PCDHA9: variants seen among roughly 807,000 people sequenced by gnomAD.
PCDHA9 encodes the protein protocadherin alpha 9.
A neutral mutation model predicts 62.0 loss-of-function variants in PCDHA9; 62 were observed. That is an observed-to-expected ratio of 1.00 (90% CI 0.81 to 1.23). PCDHA9 has a LOEUF of 1.23. PCDHA9 is among the 50% of genes most tolerant of loss of function. The pLI, the probability that PCDHA9 is intolerant of heterozygous loss-of-function variation, is 0.00. For synonymous variants in PCDHA9, 557 were observed against 567.6 expected (o/e 0.98, Z 0.27); for missense variants, 1,205 against 1,249.8 (o/e 0.96, Z 0.54).
intron 1 of PCDHA9, chr5:140,966,362 A>C: frequency 2.5e-6 from 1 of 400,494 alleles, no homozygotes; most frequent in Non-Finnish European, 4.4e-6. Flanking sequence ...GGGGCTGGAG[A>C]GGCTGAGCAG....
At chr5:140,947,769 A>T (rs2094173274) in intron 1 of PCDHA9, among the ~76,000 whole-genome samples, 1 of 151,626 alleles carries the variant, frequency 6.6e-6, no homozygotes, top group Non-Finnish European at 1.5e-5. Context: ...AAAAAATTCT[A>T]TTGTAAATGG....
At chr5:140,962,350 C>A (rs78940637) in intron 1 of PCDHA9, among the ~76,000 whole-genome samples, 3,557 of 152,264 alleles carry the variant, frequency 0.023, 46 homozygotes, top group Middle Eastern at 0.034. Context: ...TAAAACTCCC[C>A]CCAATACTGG....
chr5:140,911,849 T>C (rs536574096), intron 1 of PCDHA9, among the ~76,000 whole-genome samples: 4 of 152,314 alleles, frequency 2.6e-5, no homozygotes, highest in African/African-American at 9.6e-5. Flanking sequence ...AACTCCATCC[T>C]TAATAGTCTG....
chr5:140,904,912 T>C (rs2071465626), intron 1 of PCDHA9, among the ~76,000 whole-genome samples: 1 of 152,236 alleles, frequency 6.6e-6, no homozygotes, highest in Non-Finnish European at 1.5e-5. Flanking sequence ...TACTGATTTG[T>C]TTGACTTCCT....
intron 1 of PCDHA9, among the ~76,000 whole-genome samples, chr5:140,941,239 C>CTTTCTTTCT (rs2092936825): frequency 7.4e-6 from 1 of 134,500 alleles, no homozygotes; most frequent in South Asian, 2.4e-4. Context: ...TTCTTTCTTT[C>CTTTCTTTCT]TTTCTTTCTT....
At chr5:140,985,619 G>A (rs961379624) in intron 3 of PCDHA9, among the ~76,000 whole-genome samples, 1 of 152,064 alleles carries the variant, frequency 6.6e-6, no homozygotes, top group Non-Finnish European at 1.5e-5. Flanking sequence ...TGAACCAGCT[G>A]TGTATTGCTC....
At chr5:140,958,913 C>T (rs1367853733) in intron 1 of PCDHA9, among the ~76,000 whole-genome samples, 12 of 151,050 alleles carry the variant, frequency 7.9e-5, no homozygotes, top group Non-Finnish European at 8.8e-5. Context: ...AAAAGTCTGC[C>T]TGGGTGTGGT....
At chr5:141,000,361 G>GTC (rs148596731) in intron 3 of PCDHA9, among the ~76,000 whole-genome samples, 441 of 26,430 alleles carry the variant, frequency 0.017, 8 homozygotes, top group Non-Finnish European at 0.02. Flanking sequence ...GTCTCTCTCT[G>GTC]TCTCTCTCTC....
chr5:140,907,864 G>T (rs1033952784), intron 1 of PCDHA9, among the ~76,000 whole-genome samples: 1 of 152,202 alleles, frequency 6.6e-6, no homozygotes, highest in Non-Finnish European at 1.5e-5. Context: ...GAGGCCAGCC[G>T]TTGGTGAGCA....
Position 140,848,945 on chromosome 5 carries a change from T to G in PCDHA9, c.450T>G (p.Ser150=), listed in dbSNP as rs1554142609. ...LFIAESRPLD[S]RFPLEGASDA... is the part of the protein sequence containing the mutation. ...TCGCGGAATCCAGGCCGCTTGACTC[T>G]CGGTTTCCACTAGAGGGCGCGTCCG... Residue 150 remains serine, a synonymous_variant, in exon 1 of 4, where the codon TCT becomes TCG. Transcript: ENST00000532602. 3.1e-6 allele frequency: 5 copies of G among 1,607,094 alleles called. No homozygotes were observed. Among genetic ancestry groups the G allele is most frequent in the South Asian group, 1.1e-5 (1 of 90,798 alleles).
At chr5:140,990,029 A>G (rs1343846819) in intron 3 of PCDHA9, among the ~76,000 whole-genome samples, 1 of 152,146 alleles carries the variant, frequency 6.6e-6, no homozygotes, top group African/African-American at 2.4e-5. Context: ...AAAGGATGGG[A>G]GAAGTCAGTC....
At chr5:140,968,062 G>A in intron 1 of PCDHA9, 2 of 1,614,120 alleles carry the variant, frequency 1.2e-6, no homozygotes, top group Non-Finnish European at 1.7e-6. Flanking sequence ...GAGAGCGGGT[G>A]GCTGTCTACA....
chr5:140,885,206 A>T (rs1304868227), intron 1 of PCDHA9, among the ~76,000 whole-genome samples: 1 of 152,038 alleles, frequency 6.6e-6, no homozygotes, highest in Admixed American at 6.6e-5. Context: ...CATATATCCC[A>T]TGAAAAATAT....
intron 1 of PCDHA9, among the ~76,000 whole-genome samples, chr5:140,923,036 T>C (rs868918813): frequency 1.3e-5 from 2 of 152,196 alleles, no homozygotes; most frequent in Non-Finnish European, 2.9e-5. Context: ...TATTACTACA[T>C]GTATAGTATT....
intron 1 of PCDHA9, chr5:140,851,731 T>C (rs1554145521): frequency 3.1e-6 from 3 of 971,456 alleles, no homozygotes; most frequent in African/African-American, 3.5e-5. Flanking sequence ...TCGAGTTCTT[T>C]TGAAATTCAG....
intron 1 of PCDHA9, chr5:140,871,538 A>G: frequency 6.6e-7 from 1 of 1,507,314 alleles, no homozygotes; most frequent in Non-Finnish European, 8.9e-7. Context: ...TGTATGTGAA[A>G]TTATTTAAAA....
chr5:140,974,396 G>C (rs1413050341), intron 1 of PCDHA9, among the ~76,000 whole-genome samples: 1 of 152,178 alleles, frequency 6.6e-6, no homozygotes, highest in Admixed American at 6.5e-5. Context: ...CATTAGGTAT[G>C]TTCTAAAGTT....
chr5:140,897,255 C>A (rs890766563), intron 1 of PCDHA9, among the ~76,000 whole-genome samples: 2 of 151,828 alleles, frequency 1.3e-5, no homozygotes, highest in Admixed American at 1.3e-4. Flanking sequence ...CATATGTATA[C>A]ATGTGCCATG....
intron 1 of PCDHA9, among the ~76,000 whole-genome samples, chr5:140,900,657 C>T (rs116775770): frequency 0.011 from 1,723 of 152,294 alleles, 23 homozygotes; most frequent in African/African-American, 0.039. Context: ...CTGCAATGAA[C>T]AATGGGAGTG....
Sources: gnomAD v4.1 joint callset for allele counts (sites outside exome capture counted in the v4.1 genomes callset) on GRCh38, gnomAD v4.1.1 for gene constraint, MANE v1.5 for transcripts, NCBI Gene and HGNC (gene_info 2026-07-23, HGNC 2026-07-21) for gene names.